Variants in DCAF5 observed in about 807,000 individuals in gnomAD.
DCAF5 encodes the protein DDB1 and CUL4 associated factor 5, also known as DDB1- and CUL4-associated factor 5.
DCAF5 carries 9 observed loss-of-function variants against 80.7 expected under a neutral mutation model. The ratio of observed to expected loss-of-function variants is 0.11; its 90% CI spans 0.07 to 0.19. The LOEUF is 0.19. Among genes scored for constraint, DCAF5 ranks in the 10% least tolerant of loss-of-function variants. The pLI, the probability that DCAF5 is intolerant of heterozygous loss-of-function variation, is 1.00. For missense variants in DCAF5, 842 were observed against 1,205.7 expected, an observed-to-expected ratio of 0.70 and a Z score of 4.47; for synonymous variants, 433 against 461.9, an observed-to-expected ratio of 0.94 and a Z score of 0.80.
intron 8 of DCAF5, among the ~76,000 whole-genome samples, chr14:69,062,006 T>G (rs1244999454): frequency 1.3e-5 from 2 of 152,204 alleles, no homozygotes; most frequent in East Asian, 3.8e-4. Flanking sequence ...ATTTTTTTAA[T>G]GAAAAACTAA....
Position 69,067,337 on chromosome 14 carries a change from C to CTTTTT in DCAF5, c.947-4831_947-4827dup, listed in dbSNP as rs58620965. 8.3e-4 allele frequency among the ~76,000 whole-genome samples: 95 copies of CTTTTT among 115,096 alleles called. 1 individual carries two copies. Among genetic ancestry groups the CTTTTT allele is most frequent in the Non-Finnish European group, 1.2e-3 (65 of 56,096 alleles). 75.5% of individuals were successfully genotyped at this position (115,096 alleles called of 152,430 possible). Reference sequence around the variant, plus strand: ...CATCTTCCTGCAGCCGATTTCGTATCTTTTTTTTTTTTTTTTTTTTTTTTG... The same window carrying CTTTTT: ...CATCTTCCTGCAGCCGATTTCGTATCTTTTTTTTTTTTTTTTTTTTTTTTTTTTTG... On this transcript the variant is annotated intron_variant, in intron 7 of 8. Transcript: ENST00000341516.
chr14:69,144,168 C>T (rs1421044202), intron 1 of DCAF5, among the ~76,000 whole-genome samples: 1 of 151,904 alleles, frequency 6.6e-6, no homozygotes, highest in East Asian at 1.9e-4. Context: ...GTAACGCTGG[C>T]TATTTTCCAA....
rs777786002 is a variant in DCAF5 at position 69,153,030 on chromosome 14, C to T, written c.-52G>A. ...CGCCGCCGCCCCTCCCTCGGCCTCACGCGCGGCCGCTGCTCCCCCCACCCG... is the reference window on the plus strand; with the variant it reads ...CGCCGCCGCCCCTCCCTCGGCCTCATGCGCGGCCGCTGCTCCCCCCACCCG... On this transcript the variant is annotated 5_prime_UTR_variant, in exon 1 of 9. It adds an upstream start codon to the 5' untranslated region. Coordinates refer to ENST00000341516, the MANE Select transcript of DCAF5 (RefSeq NM_003861.3). The T allele has an allele frequency of 5.7e-6, 8 of 1,391,560 alleles. No homozygotes were observed. Among genetic ancestry groups the T allele is most frequent in the Non-Finnish European group, 7.5e-6 (8 of 1,065,972 alleles). The allele number at this position is 1,391,560 out of a possible 1,614,324, so 86.2% of individuals were successfully genotyped here. A position where few individuals can be genotyped will look rare whatever the true frequency, so the allele number is the denominator to read the frequency against.
intron 1 of DCAF5, among the ~76,000 whole-genome samples, chr14:69,131,281 C>G (rs894271137): frequency 2.0e-5 from 3 of 151,796 alleles, no homozygotes; most frequent in African/African-American, 4.8e-5. Context: ...AACTGTGAAG[C>G]CTAAAGGAAA....
intron 6 of DCAF5, chr14:69,085,290 T>G (rs1214394332): frequency 2.8e-6 from 2 of 716,392 alleles, no homozygotes; most frequent in African/African-American, 3.5e-5. Context: ...GAGTAGGCAG[T>G]GGTGGATTTG....
At chr14:69,058,742 G>A (rs1320561424) in intron 8 of DCAF5, among the ~76,000 whole-genome samples, 1 of 151,454 alleles carries the variant, frequency 6.6e-6, no homozygotes, top group African/African-American at 2.4e-5. Flanking sequence ...GAGTGGTGGT[G>A]TACACCTGAA....
intron 7 of DCAF5, among the ~76,000 whole-genome samples, chr14:69,068,145 G>T (rs966952029): frequency 1.3e-5 from 2 of 152,168 alleles, no homozygotes; most frequent in Admixed American, 6.5e-5. Flanking sequence ...ATGTCTGTGT[G>T]TGTGCCCATG....
At chr14:69,120,180 C>T (rs189160077) in intron 2 of DCAF5, among the ~76,000 whole-genome samples, 11 of 152,150 alleles carry the variant, frequency 7.2e-5, no homozygotes, top group Admixed American at 2.6e-4. Flanking sequence ...ACCTCCTGTG[C>T]TCAAGCAATC....
At chr14:69,090,874 A>T (rs971522307) in intron 6 of DCAF5, 2 of 531,002 alleles carry the variant, frequency 3.8e-6, no homozygotes, top group Non-Finnish European at 6.7e-6. Flanking sequence ...AATAGCAATA[A>T]GATTTGTTGT....
At chr14:69,105,333 T>G (rs1211080247) in intron 5 of DCAF5, among the ~76,000 whole-genome samples, 1 of 152,186 alleles carries the variant, frequency 6.6e-6, no homozygotes, top group African/African-American at 2.4e-5. Flanking sequence ...TAAAAAAGAA[T>G]GAGACACTAA....
intron 7 of DCAF5, among the ~76,000 whole-genome samples, chr14:69,062,988 G>C (rs2038277964): frequency 6.6e-6 from 1 of 151,812 alleles, no homozygotes. Context: ...GATGAAGACA[G>C]CAAACAAAAC....
At chr14:69,058,379 C>T (rs1314286175) in intron 8 of DCAF5, among the ~76,000 whole-genome samples, 2 of 151,754 alleles carry the variant, frequency 1.3e-5, no homozygotes, top group African/African-American at 2.4e-5. Flanking sequence ...ATTAGCTGGG[C>T]GTGGTGACAG....
Position 69,091,767 on chromosome 14 carries a change from G to C in DCAF5, c.786C>G (p.Ile262Met). Reference protein sequence around the residue: ...RRRLPPVLYDIHSRLPVFQFD... With the variant: ...RRRLPPVLYDMHSRLPVFQFD... ...ACTGAAACACAGGCAGGCGGGAATG[G>C]ATGTCATAGAGCACAGGGGGCAGGC... The change falls in exon 6 of 9, where the codon ATC becomes ATG. Residue 262 changes from isoleucine (I) to methionine (M), a missense_variant. Ile to Met is a conservative substitution (Grantham distance 10). Around this residue, in one of 5 missense-constraint regions of DCAF5, gnomAD observed 142 missense variants for 311.9 expected, o/e 0.46. Coordinates refer to ENST00000341516, the MANE Select transcript of DCAF5 (RefSeq NM_003861.3). 1 of 1,614,162 alleles carries C rather than the reference G, an allele frequency of 6.2e-7. No homozygotes were observed. Among genetic ancestry groups the C allele is most frequent in the African/African-American group, 1.3e-5 (1 of 75,048 alleles).
intron 1 of DCAF5, among the ~76,000 whole-genome samples, chr14:69,142,053 G>A (rs968021976): frequency 1.3e-5 from 2 of 152,160 alleles, no homozygotes; most frequent in African/African-American, 4.8e-5. Flanking sequence ...CCAGCACCTT[G>A]GAAGGCCAAG....
rs35270301 is a variant in DCAF5, at chr14:69,105,944, T to TATATA, written c.665+10421_665+10422insTATAT. ...ATATATATATATATATATATATATA[T>TATATA]ATCTCCTATTGGTTCTGTTCCTCTG... On this transcript the variant is annotated intron_variant, in intron 5 of 8. Transcript: ENST00000341516. Among the ~76,000 whole-genome samples, 153 of 85,218 alleles carry TATATA rather than the reference T, an allele frequency of 1.8e-3. 19 individuals are homozygous for TATATA. The highest frequency in any genetic ancestry group is 8.1e-3 in the Middle Eastern group (1 of 124). The allele number at this position is 85,218 out of a possible 152,430, so 55.9% of individuals were successfully genotyped here. A position where few individuals can be genotyped will look rare whatever the true frequency, so the allele number is the denominator to read the frequency against.
intron 7 of DCAF5, among the ~76,000 whole-genome samples, chr14:69,068,837 A>G (rs999639441): frequency 1.3e-5 from 2 of 152,160 alleles, no homozygotes; most frequent in African/African-American, 4.8e-5. Flanking sequence ...GTCAAACCAT[A>G]AAGAGGACCA....
intron 6 of DCAF5, chr14:69,084,908 T>C: frequency 7.1e-7 from 1 of 1,399,342 alleles, no homozygotes; most frequent in Non-Finnish European, 1.0e-6. Context: ...GGAATAATAT[T>C]CATCGTGTGG....
chr14:69,099,788 A>C (rs199920890), intron 5 of DCAF5, among the ~76,000 whole-genome samples: 1 of 13,318 alleles, frequency 7.5e-5, no homozygotes, highest in Non-Finnish European at 1.7e-4. Flanking sequence ...ACAAAAAAAA[A>C]ATACAAAAAT....
intron 5 of DCAF5, among the ~76,000 whole-genome samples, 174 bp downstream of exon 5, chr14:69,116,192 C>T (rs1404324853): frequency 6.6e-6 from 1 of 152,174 alleles, no homozygotes; most frequent in Non-Finnish European, 1.5e-5. Flanking sequence ...ACGGATTTGT[C>T]GCTGTCTATT....
Sources: allele counts gnomAD v4.1 joint callset (sites outside exome capture counted in the v4.1 genomes callset), GRCh38; gene constraint gnomAD v4.1.1; regional missense constraint gnomAD v4.1.1; transcripts MANE v1.5; gene names NCBI Gene and HGNC (gene_info 2026-07-23, HGNC 2026-07-21).